The following CACHD1 variants were observed in gnomAD, a reference collection of about 807,000 sequenced individuals.
CACHD1 encodes cache domain containing 1.
CACHD1 carries 71 observed loss-of-function variants against 138.7 expected under a neutral mutation model. The ratio of observed to expected loss-of-function variants is 0.51; its 90% CI spans 0.42 to 0.62. The LOEUF is 0.62. Among genes scored for constraint, CACHD1 ranks in the 20% least tolerant of loss-of-function variants. CACHD1 has a pLI of 0.00. For synonymous variants in CACHD1, 578 were observed against 591.5 expected, an observed-to-expected ratio of 0.98 and a Z score of 0.33; for missense variants, 1,389 against 1,625.3, an observed-to-expected ratio of 0.85 and a Z score of 2.50.
chr1:64,662,460 G>A (rs1649475218), intron 13 of CACHD1, among the ~76,000 whole-genome samples: 1 of 152,196 alleles, frequency 6.6e-6, no homozygotes, highest in Admixed American at 6.5e-5. Flanking sequence ...CCTCTCTGGA[G>A]AAGGATCCCC....
intron 2 of CACHD1, among the ~76,000 whole-genome samples, chr1:64,554,597 C>G (rs187862046): frequency 3.3e-5 from 5 of 152,154 alleles, no homozygotes; most frequent in Non-Finnish European, 7.3e-5. Context: ...TTGCCTCGCT[C>G]TGATTACTAA....
intron 1 of CACHD1, among the ~76,000 whole-genome samples, chr1:64,485,634 G>T (rs1489187895): frequency 1.3e-5 from 2 of 152,158 alleles, no homozygotes; most frequent in African/African-American, 4.8e-5. Flanking sequence ...AGGCTGGAGT[G>T]CAGTAGCATG....
At chr1:64,519,311 A>ACCCAGCAGGCT (rs1646480856) in intron 1 of CACHD1, among the ~76,000 whole-genome samples, 2 of 152,170 alleles carry the variant, frequency 1.3e-5, no homozygotes, top group African/African-American at 2.4e-5. Context: ...AGGTTGAGGT[A>ACCCAGCAGGCT]GTGGAGCCTT....
intron 12 of CACHD1, among the ~76,000 whole-genome samples, chr1:64,658,333 G>A (rs1288479380): frequency 6.6e-5 from 10 of 152,138 alleles, no homozygotes; most frequent in Admixed American, 1.3e-4. Flanking sequence ...GTATTTTTAA[G>A]TGCATTTCAA....
rs1310390442 is a variant in CACHD1, at chr1:64,470,891, G to A, written c.147G>A (p.Ala49=). The change falls in exon 1 of 27, where the codon GCG becomes GCA. Residue 49 remains alanine, a synonymous_variant. Coordinates refer to ENST00000651257, the MANE Select transcript of CACHD1 (RefSeq NM_020925.4). This position sits in a 1 kb window ranked among gnomAD's most constrained non-coding sequence, Gnocchi z 5.2. ...FSILDEAQVL[A]SQMRRLAAEE... ...TCCTGGACGAGGCGCAAGTGCTGGC[G>A]AGCCAGATGCGGAGGCTGGCGGCCG... is the stretch of plus-strand genomic sequence containing the variant. 8.1e-6 allele frequency: 13 copies of A among 1,609,120 alleles called. No individual in the cohort carries two copies. The highest frequency in any genetic ancestry group is 3.3e-5 in the Admixed American group (2 of 59,762).
intron 4 of CACHD1, among the ~76,000 whole-genome samples, chr1:64,612,601 A>G (rs1647574568): frequency 6.6e-6 from 1 of 152,154 alleles, no homozygotes; most frequent in Non-Finnish European, 1.5e-5. Flanking sequence ...GCTTAGAATT[A>G]ATTCTCTCCC....
At chr1:64,539,540 C>T (rs1383302747) in intron 1 of CACHD1, among the ~76,000 whole-genome samples, 1 of 152,084 alleles carries the variant, frequency 6.6e-6, no homozygotes, top group African/African-American at 2.4e-5. Context: ...AGAATGTGAA[C>T]TTTTTCAGGC....
At chr1:64,637,219 T>A (rs1570439709) in intron 7 of CACHD1, among the ~76,000 whole-genome samples, 1 of 152,218 alleles carries the variant, frequency 6.6e-6, no homozygotes, top group South Asian at 2.1e-4. Context: ...GAGAGAAATG[T>A]TAGACTAGCA....
At chr1:64,633,569 A>T (rs1186968560) in intron 6 of CACHD1, among the ~76,000 whole-genome samples, 1 of 152,122 alleles carries the variant, frequency 6.6e-6, no homozygotes, top group African/African-American at 2.4e-5. Flanking sequence ...CACCTCAGAG[A>T]GAGGTGTGGG....
intron 13 of CACHD1, 137 bp from the exon 14 acceptor site, chr1:64,663,550 GAAAAAAAA>G (rs11289872): frequency 1.3e-5 from 10 of 796,738 alleles, no homozygotes; most frequent in Middle Eastern, 6.2e-4. Context: ...GACTCCATCT[GAAAAAAAA>G]AAAAAAAGAA....
chr1:64,548,243 T>C lies in CACHD1; in HGVS notation c.199-2351T>C, dbSNP rs1646732796. ...AGCAGGGTGCATCTGGAGTAGTTCATGCCTCCTTCATCAGTCAACTCTGGT... is the reference window on the plus strand; with the variant it reads ...AGCAGGGTGCATCTGGAGTAGTTCACGCCTCCTTCATCAGTCAACTCTGGT... On this transcript the variant is annotated intron_variant, in intron 1 of 26. Coordinates refer to ENST00000651257, the MANE Select transcript of CACHD1 (RefSeq NM_020925.4). Among the ~76,000 whole-genome samples the C allele has an allele frequency of 1.3e-5, 2 of 152,184 alleles. 1 individual carries two copies. Among genetic ancestry groups the C allele is most frequent in the Admixed American group, 1.3e-4 (2 of 15,284 alleles).
intron 1 of CACHD1, among the ~76,000 whole-genome samples, chr1:64,519,428 C>T (rs1464198073): frequency 3.3e-5 from 5 of 152,298 alleles, no homozygotes; most frequent in African/African-American, 9.6e-5. Context: ...TGATCTGTCC[C>T]AGGCCTCAGT....
At chr1:64,613,630 T>A (rs1001551270) in intron 4 of CACHD1, 1 of 152,204 alleles carries the variant, frequency 6.6e-6, no homozygotes, top group Non-Finnish European at 1.5e-5. Context: ...TAAACCTCTT[T>A]TTTGAAACTC....
chr1:64,654,519 T>A (rs2100686036), intron 11 of CACHD1, among the ~76,000 whole-genome samples, 167 bp from the exon 12 acceptor site: 1 of 152,354 alleles, frequency 6.6e-6, no homozygotes, highest in Middle Eastern at 3.4e-3. Context: ...GCTGACATAA[T>A]GCTTTTACGC....
chr1:64,576,020 C>T (rs1467825033), intron 2 of CACHD1, among the ~76,000 whole-genome samples: 1 of 152,138 alleles, frequency 6.6e-6, no homozygotes, highest in Non-Finnish European at 1.5e-5. Flanking sequence ...AATTAGAATC[C>T]GTTCCCATGG....
chr1:64,636,883 G>A (rs533490903), intron 7 of CACHD1, among the ~76,000 whole-genome samples: 1 of 152,076 alleles, frequency 6.6e-6, no homozygotes, highest in Admixed American at 6.5e-5. Flanking sequence ...CAAGTTACAG[G>A]TTATGTCCCG....
rs575539184 is a variant in CACHD1, at chr1:64,507,411, A to G, written c.198+36469A>G. On this transcript the variant is annotated intron_variant, in intron 1 of 26. Coordinates refer to ENST00000651257, the MANE Select transcript of CACHD1 (RefSeq NM_020925.4). Reference sequence around the variant, plus strand: ...ACAGTTGAGACCACAGCATATGCCAATTGAGTTGAACTAGTGGGCTGCCTG... The same window carrying G: ...ACAGTTGAGACCACAGCATATGCCAGTTGAGTTGAACTAGTGGGCTGCCTG... 1.1e-4 allele frequency among the ~76,000 whole-genome samples: 17 copies of G among 152,318 alleles called. No homozygotes were observed. The East Asian group carries it at 1.3e-3, about 12-fold the overall frequency.
At position 64,628,730 on chromosome 1, in the gene CACHD1, G is replaced by C. The variant is rs546212435; in HGVS notation, c.518-625G>C. ...ATAAATCACTTAAGCATATTTTCTC[G>C]ACTCCAAAGTAGTGATAACAATACC... On this transcript the variant is annotated intron_variant, in intron 4 of 26. Coordinates refer to ENST00000651257, the MANE Select transcript of CACHD1 (RefSeq NM_020925.4). 6.6e-5 allele frequency among the ~76,000 whole-genome samples: 10 copies of C among 152,232 alleles called. No homozygotes were observed. The South Asian group carries it at 2.1e-3, about 32-fold the overall frequency.
At chr1:64,564,707 G>A (rs754935626) in intron 2 of CACHD1, among the ~76,000 whole-genome samples, 29 of 152,262 alleles carry the variant, frequency 1.9e-4, no homozygotes, top group Non-Finnish European at 3.7e-4. Context: ...ACTTTAAAAG[G>A]GGAATTTTCA....
Sources: gnomAD v4.1 joint callset for allele counts (sites outside exome capture counted in the v4.1 genomes callset) on GRCh38, gnomAD v4.1.1 for gene constraint, Gnocchi (gnomAD v3.1) non-coding constraint, MANE v1.5 for transcripts, NCBI Gene and HGNC (gene_info 2026-07-23, HGNC 2026-07-21) for gene names.